Variants in TOPBP1 observed in about 807,000 individuals in gnomAD.
The protein encoded by TOPBP1 is DNA topoisomerase 2-binding protein 1.
Under a neutral mutation model 167.7 loss-of-function variants are expected in TOPBP1, and 28 were observed. The observed-to-expected ratio is 0.17, with a 90% CI of 0.12 to 0.23. The LOEUF is 0.23. Ranked by LOEUF, TOPBP1 falls within the 10% of genes least tolerant of loss-of-function variation. The pLI, the probability that TOPBP1 is intolerant of heterozygous loss-of-function variation, is 1.00. For synonymous variants in TOPBP1, 598 were observed against 611.4 expected (o/e 0.98, Z 0.32); for missense variants, 1,554 against 1,809.6 (o/e 0.86, Z 2.56).
intron 4 of TOPBP1, 28 bp downstream of exon 4, chr3:133,657,770 G>T (rs971489584): frequency 6.8e-7 from 1 of 1,472,634 alleles, no homozygotes; most frequent in South Asian, 1.4e-5. Context: ...TATATAAATT[G>T]ATCAATCATC....
Position 133,657,898 on chromosome 3 carries a change from A to G in TOPBP1, c.263T>C (p.Met88Thr). The part of the protein sequence containing the change: ...IVGPQVVIFC[M>T]HHQRCVPRAE... ...TCTTGGGACACATCGCTGGTGGTGC[A>G]TACAAAATATGACTACTTGAGGACC... The change falls in exon 4 of 28, where the codon ATG (methionine) becomes ACG (threonine). Residue 88 changes from methionine to threonine, a missense_variant. Coordinates refer to ENST00000260810, the MANE Select transcript of TOPBP1 (RefSeq NM_007027.4). 6.3e-7 allele frequency: 1 copy of G among 1,597,320 alleles called. No homozygotes were observed. Among genetic ancestry groups the G allele is most frequent in the Non-Finnish European group, 8.5e-7 (1 of 1,173,988 alleles).
intron 14 of TOPBP1, among the ~76,000 whole-genome samples, chr3:133,632,731 C>T (rs578079632): frequency 6.6e-6 from 1 of 152,226 alleles, no homozygotes; most frequent in Admixed American, 6.5e-5. Context: ...TCATCTGCAT[C>T]ATCAATTGGC....
chr3:133,627,330 A>T (rs1935300733), intron 16 of TOPBP1, among the ~76,000 whole-genome samples: 1 of 152,224 alleles, frequency 6.6e-6, no homozygotes, highest in African/African-American at 2.4e-5. Flanking sequence ...AGGAAAAAAA[A>T]ATATACACAC....
rs377255930 is a variant in TOPBP1 at position 133,624,165 on chromosome 3, C to T, written c.2815G>A (p.Asp939Asn). ...SLGADYRWSF[D>N]ETVTHFIYQG... is the part of the protein sequence containing the mutation. ...TAGATGAAATGAGTCACTGTTTCAT[C>T]AAAACTCCACCTGAAATAACCAATA... is the stretch of plus-strand genomic sequence containing the variant. Residue 939 changes from aspartate (D) to asparagine (N), a missense_variant, in exon 17 of 28, where the codon GAT becomes AAT. Asp to Asn is a conservative substitution (Grantham distance 23). Transcript: ENST00000260810. 6.2e-7 allele frequency: 1 copy of T among 1,613,370 alleles called. No individual in the cohort carries two copies. Among genetic ancestry groups the T allele is most frequent in the Non-Finnish European group, 8.5e-7 (1 of 1,179,680 alleles).
rs758945496 is a variant in TOPBP1 at position 133,643,216 on chromosome 3, T to G, written c.2005A>C (p.Asn669His). The G allele has an allele frequency of 1.3e-6, 2 of 1,596,896 alleles. No homozygotes were observed. Among genetic ancestry groups the G allele is most frequent in the South Asian group, 2.3e-5 (2 of 87,632 alleles). Residue 669 changes from asparagine (N) to histidine (H), a missense_variant, in exon 12 of 28, where the codon AAC (asparagine) becomes CAC (histidine). Physicochemically the swap from Asn to His is moderately conservative, Grantham distance 68. Transcript: ENST00000260810. ...AEKESLTFLA[N>H]LLGASVQEYF... The stretch of plus-strand genomic sequence containing the variant: ...ATTACATACCTTGCTCCAAGGAGGT[T>G]TGCTAGGAATGTTAAAGACTCTTTT...
intron 23 of TOPBP1, among the ~76,000 whole-genome samples, chr3:133,614,535 T>G (rs933485125): frequency 1.3e-5 from 2 of 152,300 alleles, no homozygotes; most frequent in African/African-American, 4.8e-5. Context: ...GGAAAACCTC[T>G]AGAGTTACAA....
At chr3:133,609,461 CTATT>C in intron 25 of TOPBP1, among the ~76,000 whole-genome samples, 2 of 152,240 alleles carry the variant, frequency 1.3e-5, no homozygotes, top group Middle Eastern at 3.4e-3. Context: ...ACATGAAAGA[CTATT>C]TAACTCAGGG....
chr3:133,637,789 A>G (rs1935727860), intron 14 of TOPBP1, 87 bp downstream of exon 14: 2 of 1,392,336 alleles, frequency 1.4e-6, no homozygotes, highest in South Asian at 1.4e-5. Context: ...ATTTATTACT[A>G]CACTTCAGAG....
intron 23 of TOPBP1, among the ~76,000 whole-genome samples, chr3:133,615,979 G>A (rs950906276): frequency 1.3e-5 from 2 of 152,120 alleles, no homozygotes; most frequent in African/African-American, 4.8e-5. Flanking sequence ...GTTTCTATTG[G>A]ACAGTGCTGC....
chr3:133,661,028 T>C lies in TOPBP1; in HGVS notation c.84+16A>G, dbSNP rs1395165130. ...AGAAAATGAATTCACGGTATTAAGA[T>C]GTTTTCAACTCTTACCTCGAGAGCT... On this transcript the variant is annotated intron_variant, in intron 2 of 27. Coordinates refer to ENST00000260810, the MANE Select transcript of TOPBP1 (RefSeq NM_007027.4). The C allele has an allele frequency of 6.5e-7, 1 of 1,546,584 alleles. No homozygotes were observed. The highest frequency in any genetic ancestry group is 8.7e-7 in the Non-Finnish European group (1 of 1,147,880).
intron 10 of TOPBP1, among the ~76,000 whole-genome samples, chr3:133,645,964 T>G (rs1287855895): frequency 6.6e-6 from 1 of 152,020 alleles, no homozygotes. Flanking sequence ...CTGGCCAACA[T>G]GGAGAAACCC....
intron 10 of TOPBP1, among the ~76,000 whole-genome samples, chr3:133,646,230 C>T (rs1045238182): frequency 2.6e-5 from 4 of 152,114 alleles, no homozygotes; most frequent in South Asian, 2.1e-4. Flanking sequence ...TTCTAAGATG[C>T]TTGGTGATCC....
At position 133,639,949 on chromosome 3, in the gene TOPBP1, AAGT is replaced by A; in HGVS notation, c.2233+7_2233+9del. ...AAATATATATAAAAGAACAGAATAA[AAGT>A]ATTAACCTTCTTTAGTTGAATTTTC... On this transcript the variant is annotated splice_region_variant and intron_variant, in intron 13 of 27. Coordinates refer to ENST00000260810, the MANE Select transcript of TOPBP1 (RefSeq NM_007027.4). 6.2e-7 allele frequency: 1 copy of A among 1,611,732 alleles called. No homozygotes were observed. Among genetic ancestry groups the A allele is most frequent in the Non-Finnish European group, 8.5e-7 (1 of 1,178,604 alleles).
Position 133,612,483 on chromosome 3 carries a change from C to G in TOPBP1, c.3941G>C (p.Arg1314Pro). 1 of 1,613,952 alleles carries G rather than the reference C, an allele frequency of 6.2e-7. No individual in the cohort carries two copies. The highest frequency in any genetic ancestry group is 8.5e-7 in the Non-Finnish European group (1 of 1,179,860). The change falls in exon 24 of 28, where the codon CGA (arginine) becomes CCA (proline). Residue 1314 changes from arginine to proline, a missense_variant. This residue lies in a region of TOPBP1 where 351 missense variants were observed against 432.9 expected (regional missense o/e 0.81). Coordinates refer to ENST00000260810, the MANE Select transcript of TOPBP1 (RefSeq NM_007027.4). The stretch of plus-strand genomic sequence containing the variant: ...CACTGAGGCTAAATACTTCTCGTTT[C>G]GAAGTGGATGTCCCACAACAATGTG... ...CTHIVVGHPL[R>P]NEKYLASVAA...
chr3:133,611,436 C>A (rs1934672620), intron 24 of TOPBP1, among the ~76,000 whole-genome samples: 1 of 152,102 alleles, frequency 6.6e-6, no homozygotes, highest in Non-Finnish European at 1.5e-5. Flanking sequence ...TTCAGATGGA[C>A]AAATTTCACC....
At position 133,649,773 on chromosome 3, in the gene TOPBP1, A is replaced by T. The variant is rs1366927740; in HGVS notation, c.1253+7T>A. 8 of 1,585,028 alleles carry T rather than the reference A, an allele frequency of 5.0e-6. No individual in the cohort carries two copies. The highest frequency in any genetic ancestry group is 2.0e-5 in the Admixed American group (1 of 51,192). ...AGAAATTGCTTTGAATTAAAAACGA[A>T]AAAAACCTGTGGGCTGATTTATTCC... On this transcript the variant is annotated splice_region_variant and intron_variant, in intron 9 of 27. Transcript: ENST00000260810.
chr3:133,627,223 T>G (rs573999111), intron 16 of TOPBP1, among the ~76,000 whole-genome samples: 1 of 152,310 alleles, frequency 6.6e-6, no homozygotes, highest in Non-Finnish European at 1.5e-5. Flanking sequence ...GGACTGGCAT[T>G]TAAAATCATA....
chr3:133,660,046 T>C (rs899030191), intron 2 of TOPBP1, among the ~76,000 whole-genome samples: 1 of 152,082 alleles, frequency 6.6e-6, no homozygotes, highest in Non-Finnish European at 1.5e-5. Flanking sequence ...TCTTCCCCCA[T>C]CCCTCACTCA....
At chr3:133,652,695 G>A (rs1936345810) in intron 7 of TOPBP1, 66 bp from the exon 8 acceptor site, 3 of 1,348,690 alleles carry the variant, frequency 2.2e-6, no homozygotes, top group African/African-American at 2.9e-5. Flanking sequence ...ATTGTCTATG[G>A]ATTAACTTTT....
Sources: allele counts gnomAD v4.1 joint callset (sites outside exome capture counted in the v4.1 genomes callset), GRCh38; gene constraint gnomAD v4.1.1; regional missense constraint gnomAD v4.1.1; transcripts MANE v1.5; gene names NCBI Gene and HGNC (gene_info 2026-07-23, HGNC 2026-07-21).